The following SCN9A variants were observed in gnomAD, a reference collection of about 807,000 sequenced individuals.
SCN9A encodes sodium voltage-gated channel alpha subunit 9, also known as sodium channel protein type 9 subunit alpha.
Under a neutral mutation model 187.0 loss-of-function variants are expected in SCN9A, and 131 were observed. The observed-to-expected ratio is 0.70, with a 90% CI of 0.61 to 0.81. The LOEUF (loss-of-function observed/expected upper bound fraction) is 0.81, where lower values mean the gene tolerates loss of function less well. Ranked by LOEUF, SCN9A falls within the 30% of genes least tolerant of loss-of-function variation. SCN9A has a pLI of 0.00. For synonymous variants in SCN9A, 809 were observed against 808.6 expected (o/e 1.00, Z -0.01); for missense variants, 2,252 against 2,396.6 (o/e 0.94, Z 1.26).
At chr2:166,325,402 C>T (rs1559042666) in intron 1 of SCN9A, among the ~76,000 whole-genome samples, 1 of 151,900 alleles carries the variant, frequency 6.6e-6, no homozygotes, top group Non-Finnish European at 1.5e-5. Context: ...GTAATCATGC[C>T]TGGGAGGATA....
intron 26 of SCN9A, among the ~76,000 whole-genome samples, chr2:166,203,005 CTCTT>C (rs1221740505): frequency 6.6e-6 from 1 of 151,530 alleles, no homozygotes; most frequent in Non-Finnish European, 1.5e-5. Flanking sequence ...TACAGGCACA[CTCTT>C]TTTTTTTTCC....
intron 1 of SCN9A, among the ~76,000 whole-genome samples, chr2:166,313,124 AATT>A (rs889669886): frequency 2.6e-4 from 39 of 150,214 alleles, no homozygotes; most frequent in South Asian, 1.5e-3. Context: ...TAAATAATAT[AATT>A]ATTATGTAAT....
intron 7 of SCN9A, chr2:166,295,923 C>A (rs1357036670): frequency 1.3e-5 from 2 of 152,168 alleles, no homozygotes; most frequent in Non-Finnish European, 2.9e-5. Context: ...GGGGGCAGAT[C>A]TATCCTTGTA....
chr2:166,324,049 C>G (rs937774870), intron 1 of SCN9A, among the ~76,000 whole-genome samples: 6 of 151,304 alleles, frequency 4.0e-5, no homozygotes, highest in Non-Finnish European at 8.8e-5. Context: ...TAGCTACATG[C>G]TCACAACTCT....
chr2:166,211,689 A>T (rs1694101378), intron 24 of SCN9A, among the ~76,000 whole-genome samples: 1 of 151,608 alleles, frequency 6.6e-6, no homozygotes, highest in Non-Finnish European at 1.5e-5. Context: ...ATATGATTGA[A>T]GTTAAGTTGT....
At chr2:166,349,791 G>A (rs902877600) in intron 1 of SCN9A, among the ~76,000 whole-genome samples, 18 of 151,988 alleles carry the variant, frequency 1.2e-4, no homozygotes, top group African/African-American at 4.1e-4. Flanking sequence ...TGACCAACAT[G>A]GAGAAACCCT....
chr2:166,366,288 C>G (rs1301885294), intron 1 of SCN9A, among the ~76,000 whole-genome samples: 2 of 152,184 alleles, frequency 1.3e-5, no homozygotes, highest in African/African-American at 2.4e-5. Context: ...TTTCGTGTCC[C>G]TTTACTTATT....
Position 166,272,848 on chromosome 2 carries a change from A to G in SCN9A, c.2902T>C (p.Leu968=), listed in dbSNP as rs1697063853. The G allele has an allele frequency of 6.7e-7, 1 of 1,502,632 alleles. No individual in the cohort carries two copies. Among genetic ancestry groups the G allele is most frequent in the Non-Finnish European group, 8.9e-7 (1 of 1,128,080 alleles). The allele number at this position is 1,502,632 out of a possible 1,614,324, so 93.1% of individuals were successfully genotyped here. The change falls in exon 17 of 27, where the codon TTG becomes CTG. Residue 968 remains leucine, a synonymous_variant. Coordinates refer to ENST00000642356, the MANE Select transcript of SCN9A (RefSeq NM_001365536.1). ...VVLNLFLALL[L]SSFSSDNLTA... ...AGATTGTCTGAACTAAATGAGCTCA[A>G]TAATAAGGCCAGAAATAGGTTTAGG...
intron 2 of SCN9A, among the ~76,000 whole-genome samples, chr2:166,307,377 G>A (rs1698795908): frequency 6.6e-6 from 1 of 152,096 alleles, no homozygotes; most frequent in African/African-American, 2.4e-5. Context: ...AATAACTGTG[G>A]TTAAGTTATT....
At chr2:166,339,885 G>T (rs1459920057) in intron 1 of SCN9A, among the ~76,000 whole-genome samples, 3 of 152,102 alleles carry the variant, frequency 2.0e-5, no homozygotes, top group Non-Finnish European at 2.9e-5. Flanking sequence ...ATCTAGAGAG[G>T]TAGCATATTG....
chr2:166,265,438 CATTT>C (rs1696690822), intron 17 of SCN9A, among the ~76,000 whole-genome samples: 1 of 151,814 alleles, frequency 6.6e-6, no homozygotes, highest in African/African-American at 2.4e-5. Context: ...TTTCTTTATG[CATTT>C]ATTTATTTAC....
chr2:166,342,435 C>G (rs1253726123), intron 1 of SCN9A, among the ~76,000 whole-genome samples: 2 of 152,250 alleles, frequency 1.3e-5, no homozygotes, highest in East Asian at 3.9e-4. Context: ...ATCTATAGGA[C>G]CAAGTTTTCC....
intron 1 of SCN9A, among the ~76,000 whole-genome samples, chr2:166,336,001 G>A (rs1341245109): frequency 1.3e-5 from 2 of 151,946 alleles, no homozygotes; most frequent in Non-Finnish European, 2.9e-5. Context: ...TAAAGTATAC[G>A]GTAGGATGTG....
rs987617047 is a variant in SCN9A, at chr2:166,331,671, T to G, written c.-50-19865A>C. ...CACAATCCAAGAATTTATTTAATAG[T>G]GCTATAAGAGATGAGTGTCTTCTTC... On this transcript the variant is annotated intron_variant, in intron 1 of 26. Coordinates refer to ENST00000642356, the MANE Select transcript of SCN9A (RefSeq NM_001365536.1). Among the ~76,000 whole-genome samples the G allele has an allele frequency of 3.6e-4, 55 of 152,230 alleles. 1 individual carries two copies. Among genetic ancestry groups the G allele is most frequent in the Non-Finnish European group, 1.2e-4 (8 of 68,042 alleles).
At chr2:166,276,889 A>G in intron 16 of SCN9A, 94 bp downstream of exon 16, 1 of 911,598 alleles carries the variant, frequency 1.1e-6, no homozygotes, top group Non-Finnish European at 1.5e-6. Flanking sequence ...AATTGTAGAT[A>G]TAATTAATTA....
intron 24 of SCN9A, among the ~76,000 whole-genome samples, chr2:166,223,646 C>T (rs1188822995): frequency 6.6e-6 from 1 of 152,162 alleles, no homozygotes; most frequent in East Asian, 1.9e-4. Context: ...GTTCTAGGGA[C>T]TTCCTGTAGT....
At chr2:166,234,509 C>A (rs1041651451) in intron 20 of SCN9A, among the ~76,000 whole-genome samples, 1 of 152,108 alleles carries the variant, frequency 6.6e-6, no homozygotes, top group African/African-American at 2.4e-5. Flanking sequence ...ATTGCTGTTA[C>A]CATCAGAGAC....
chr2:166,212,563 G>T (rs140154007), intron 24 of SCN9A, among the ~76,000 whole-genome samples: 1 of 152,148 alleles, frequency 6.6e-6, no homozygotes, highest in Non-Finnish European at 1.5e-5. Context: ...TACCCGACTT[G>T]CAATAATGAA....
In SCN9A at chr2:166,226,005, G is replaced by A. The variant is rs879614163; in HGVS notation, c.4398+562C>T. 7.2e-5 allele frequency among the ~76,000 whole-genome samples: 11 copies of A among 151,992 alleles called. 1 individual carries two copies. Among genetic ancestry groups the A allele is most frequent in the Admixed American group, 3.9e-4 (6 of 15,246 alleles). On this transcript the variant is annotated intron_variant, in intron 24 of 26. Transcript: ENST00000642356. ...CTCAGGTTTGTATTATCCTGTTCTC[G>A]TAGGTCAAAGAAACTAATACAGTTG...
Sources: gnomAD v4.1 joint callset for allele counts (sites outside exome capture counted in the v4.1 genomes callset) on GRCh38, gnomAD v4.1.1 for gene constraint, MANE v1.5 for transcripts, NCBI Gene and HGNC (gene_info 2026-07-23, HGNC 2026-07-21) for gene names.